Variants in MTMR2 observed in about 807,000 individuals in gnomAD.
The protein encoded by MTMR2 is phosphatidylinositol-3,5-bisphosphate 3-phosphatase MTMR2.
Under a neutral mutation model 86.9 loss-of-function variants are expected in MTMR2, and 55 were observed. The observed-to-expected ratio is 0.63, with a 90% CI of 0.51 to 0.79. MTMR2 has a LOEUF of 0.79. Among genes scored for constraint, MTMR2 ranks in the 30% least tolerant of loss-of-function variants. MTMR2 has a pLI of 0.00. For missense variants in MTMR2, 659 were observed against 772.3 expected, an observed-to-expected ratio of 0.85 and a Z score of 1.74; for synonymous variants, 241 against 266.8, an observed-to-expected ratio of 0.90 and a Z score of 0.94.
intron 1 of MTMR2, among the ~76,000 whole-genome samples, chr11:95,895,362 C>G (rs940585951): frequency 6.6e-6 from 1 of 151,912 alleles, no homozygotes; most frequent in Non-Finnish European, 1.5e-5. Flanking sequence ...CAGATCAAGG[C>G]TTTGGAAATC....
intron 13 of MTMR2, among the ~76,000 whole-genome samples, chr11:95,837,011 G>GT (rs953296078): frequency 5.3e-5 from 8 of 151,904 alleles, no homozygotes; most frequent in South Asian, 2.1e-4. Flanking sequence ...AATTTAAAAA[G>GT]TTTTTTTAAA....
intron 2 of MTMR2, among the ~76,000 whole-genome samples, chr11:95,880,312 A>C (rs1865277736): frequency 6.6e-6 from 1 of 152,090 alleles, no homozygotes; most frequent in African/African-American, 2.4e-5. Flanking sequence ...TGTTTTGTTT[A>C]TTGAAATTTA....
At chr11:95,884,083 C>A (rs1865433431) in intron 2 of MTMR2, among the ~76,000 whole-genome samples, 1 of 152,182 alleles carries the variant, frequency 6.6e-6, no homozygotes, top group Non-Finnish European at 1.5e-5. Flanking sequence ...TTCAAAAACA[C>A]TACACCAAAC....
chr11:95,868,273 T>TAAAAAAAAAAAAAA (rs555618890), intron 2 of MTMR2, among the ~76,000 whole-genome samples: 7 of 42,214 alleles, frequency 1.7e-4, no homozygotes, highest in Admixed American at 4.5e-4. Context: ...GACCCTGTGC[T>TAAAAAAAAAAAAAA]AAAAAAAAAA....
At chr11:95,865,212 T>A (rs920337748) in intron 3 of MTMR2, among the ~76,000 whole-genome samples, 2 of 152,128 alleles carry the variant, frequency 1.3e-5, no homozygotes, top group Non-Finnish European at 2.9e-5. Flanking sequence ...TTAAGAAAAA[T>A]TACTTGTATA....
intron 1 of MTMR2, among the ~76,000 whole-genome samples, chr11:95,903,626 T>C (rs187437943): frequency 2.2e-4 from 34 of 152,320 alleles, no homozygotes; most frequent in African/African-American, 7.7e-4. Flanking sequence ...TTTCATATTT[T>C]CTTTGCTTTC....
chr11:95,912,202 G>T (rs11021344), intron 1 of MTMR2, among the ~76,000 whole-genome samples: 72,676 of 150,716 alleles, frequency 0.48, 17,637 homozygotes, highest in Middle Eastern at 0.57. Context: ...AATACTGACA[G>T]TACTCAGTGA....
chr11:95,897,147 C>T (rs1865906351), intron 1 of MTMR2, among the ~76,000 whole-genome samples: 1 of 151,946 alleles, frequency 6.6e-6, no homozygotes, highest in Admixed American at 6.6e-5. Context: ...CCCATGAGAG[C>T]TATTTCCTGA....
In MTMR2 at chr11:95,838,080, G is replaced by C; in HGVS notation, c.1593+14C>G. 6.9e-7 allele frequency: 1 copy of C among 1,459,126 alleles called. No homozygotes were observed. The allele number at this position is 1,459,126 out of a possible 1,614,324, so 90.4% of individuals were successfully genotyped here. A position where few individuals can be genotyped will look rare whatever the true frequency, so the allele number is the denominator to read the frequency against. Reference sequence around the variant, plus strand: ...GTAGAGATAGTATGGGGAAGGTCATGTTTCATATTTTACCTCTTTTCCTCT... The same window carrying C: ...GTAGAGATAGTATGGGGAAGGTCATCTTTCATATTTTACCTCTTTTCCTCT... On this transcript the variant is annotated intron_variant, in intron 13 of 14. Transcript: ENST00000346299.
At chr11:95,912,525 G>A (rs990660978) in intron 1 of MTMR2, among the ~76,000 whole-genome samples, 1 of 151,642 alleles carries the variant, frequency 6.6e-6, no homozygotes, top group Non-Finnish European at 1.5e-5. Context: ...AAACTCTCTA[G>A]TAATTTGAGA....
intron 1 of MTMR2, among the ~76,000 whole-genome samples, chr11:95,917,918 C>T (rs1866770609): frequency 6.6e-6 from 1 of 152,120 alleles, no homozygotes; most frequent in Non-Finnish European, 1.5e-5. Context: ...TTTAAAAATG[C>T]TTGTTTCCAC....
intron 2 of MTMR2, among the ~76,000 whole-genome samples, chr11:95,868,284 AAAAAAAAAAAAAAAAAAG>A (rs1265115335): frequency 1.6e-5 from 2 of 129,026 alleles, no homozygotes; most frequent in Non-Finnish European, 3.6e-5. Context: ...AAAAAAAAAA[AAAAAAAAAAAAAAAAAAG>A]AAAGAAAAAG....
chr11:95,868,318 G>GA (rs1193599555), intron 2 of MTMR2, among the ~76,000 whole-genome samples: 2 of 96,498 alleles, frequency 2.1e-5, no homozygotes, highest in African/African-American at 3.6e-5. Flanking sequence ...AAAAGAAAAA[G>GA]AAAAAAAAGA....
chr11:95,901,408 T>C (rs572006380), intron 1 of MTMR2, among the ~76,000 whole-genome samples: 17 of 152,204 alleles, frequency 1.1e-4, no homozygotes, highest in Non-Finnish European at 1.8e-4. Context: ...ATGCAAGTAC[T>C]GCATTAGTAG....
Position 95,858,764 on chromosome 11 carries a change from G to C in MTMR2, c.469-132C>G, listed in dbSNP as rs1017378509. 11 of 660,252 alleles carry C rather than the reference G, an allele frequency of 1.7e-5. No homozygotes were observed. The African/African-American group carries it at 2.0e-4, about 12-fold the overall frequency. The allele number at this position is 660,252 out of a possible 1,614,324, so 40.9% of individuals were successfully genotyped here. On this transcript the variant is annotated intron_variant, in intron 5 of 14. Transcript: ENST00000346299. ...GGATACAAAAATAAATCAGACATCA[G>C]CTCCTGGAGACAGGGAAATTATAAT... is the stretch of plus-strand genomic sequence containing the variant.
chr11:95,889,883 G>T (rs1865653289), intron 1 of MTMR2, among the ~76,000 whole-genome samples: 1 of 152,094 alleles, frequency 6.6e-6, no homozygotes, highest in South Asian at 2.1e-4. Context: ...TTTCAAAAAT[G>T]TATTTTTCTA....
At chr11:95,893,133 C>G (rs1241905012) in intron 1 of MTMR2, among the ~76,000 whole-genome samples, 1 of 152,138 alleles carries the variant, frequency 6.6e-6, no homozygotes, top group Non-Finnish European at 1.5e-5. Flanking sequence ...ACTTTCCTCT[C>G]TAGCATTTCT....
intron 5 of MTMR2, among the ~76,000 whole-genome samples, chr11:95,861,776 T>C (rs1229802461): frequency 6.6e-6 from 1 of 152,154 alleles, no homozygotes; most frequent in Non-Finnish European, 1.5e-5. Context: ...TATCAAAATA[T>C]GTAGACTGAA....
intron 1 of MTMR2, 117 bp downstream of exon 1, chr11:95,923,758 A>T (rs1867021129): frequency 1.3e-6 from 2 of 1,487,326 alleles, no homozygotes; most frequent in East Asian, 5.0e-5. Context: ...CCGGGGAAGG[A>T]ATTCCGGCGT....
Sources: gnomAD v4.1 joint callset for allele counts (sites outside exome capture counted in the v4.1 genomes callset) on GRCh38, gnomAD v4.1.1 for gene constraint, MANE v1.5 for transcripts, NCBI Gene and HGNC (gene_info 2026-07-23, HGNC 2026-07-21) for gene names.